The following GUCY2F variants were observed in gnomAD, a reference collection of about 807,000 sequenced individuals.
GUCY2F encodes the protein retinal guanylyl cyclase 2.
In GUCY2F, 61 loss-of-function variants were observed where a neutral mutation model predicts 73.1. That is an observed-to-expected ratio of 0.83 (90% CI 0.68 to 1.03). GUCY2F has a LOEUF of 1.03. Among genes scored for constraint, GUCY2F ranks in the 50% least tolerant of loss-of-function variants. The probability of loss-of-function intolerance (pLI) is 0.00; values close to 1 mark genes in which losing one functional copy is unlikely to be tolerated. For missense variants in GUCY2F, 912 were observed against 854.3 expected (o/e 1.07, Z -0.84); for synonymous variants, 331 against 307.8 (o/e 1.08, Z -0.79).
intron 7 of GUCY2F, among the ~76,000 whole-genome samples, chrX:109,438,001 T>C (rs2284327): frequency 0.049 from 5,515 of 112,578 alleles, 307 homozygotes; most frequent in African/African-American, 0.16. Flanking sequence ...GGTTTCCTGC[T>C]ACTAATTTAA....
chrX:109,434,789 A>G (rs1931699496), intron 7 of GUCY2F, among the ~76,000 whole-genome samples: 1 of 110,999 alleles, frequency 9.0e-6, no homozygotes, highest in African/African-American at 3.3e-5. Context: ...AATCCATCTT[A>G]AATTAATTTT....
chrX:109,377,257 GTCCAACC>G (rs1195922692), intron 17 of GUCY2F, among the ~76,000 whole-genome samples: 1 of 111,646 alleles, frequency 9.0e-6, no homozygotes. Flanking sequence ...TACCACTATA[GTCCAACC>G]TCCATTAACT....
intron 15 of GUCY2F, 144 bp from the exon 16 acceptor site, chrX:109,385,426 C>A (rs763399215): frequency 5.3e-6 from 2 of 378,965 alleles, no homozygotes; most frequent in Admixed American, 5.2e-5. Flanking sequence ...AAGAAAGACA[C>A]AATGAGTAGT....
chrX:109,407,208 G>A (rs1490208981), intron 9 of GUCY2F, among the ~76,000 whole-genome samples: 3 of 112,001 alleles, frequency 2.7e-5, no homozygotes, highest in Non-Finnish European at 5.6e-5. Context: ...TAACTTGCTG[G>A]GAACTGGAGC....
At chrX:109,440,165 G>T (rs935240682) in intron 7 of GUCY2F, among the ~76,000 whole-genome samples, 2 of 112,013 alleles carry the variant, frequency 1.8e-5, no homozygotes, top group Non-Finnish European at 3.8e-5. Flanking sequence ...GGTGCCAACA[G>T]GTTTGGTTGT....
chrX:109,434,966 G>A (rs1931704804), intron 7 of GUCY2F, among the ~76,000 whole-genome samples: 1 of 109,592 alleles, frequency 9.1e-6, no homozygotes, highest in African/African-American at 3.4e-5. Context: ...TGAGGGCTCT[G>A]TTCTGTTCCA....
At chrX:109,390,401 G>T (rs1248970070) in intron 14 of GUCY2F, among the ~76,000 whole-genome samples, 1 of 111,899 alleles carries the variant, frequency 8.9e-6, no homozygotes, top group African/African-American at 3.2e-5. Context: ...TACAGGTAAA[G>T]AAAATAAAAA....
intron 4 of GUCY2F, among the ~76,000 whole-genome samples, chrX:109,453,177 A>G (rs140293983): frequency 1.8e-5 from 2 of 111,446 alleles, no homozygotes; most frequent in East Asian, 5.7e-4. Flanking sequence ...AGGAGAAACA[A>G]TCATAGGTCA....
At chrX:109,468,653 C>T (rs369942586) in intron 2 of GUCY2F, among the ~76,000 whole-genome samples, 3 of 111,354 alleles carry the variant, frequency 2.7e-5, no homozygotes, top group African/African-American at 9.8e-5. Flanking sequence ...TCAAAGGGTC[C>T]GAATTTTTAT....
intron 6 of GUCY2F, among the ~76,000 whole-genome samples, chrX:109,443,108 G>C (rs895091961): frequency 2.7e-5 from 3 of 110,846 alleles, no homozygotes; most frequent in African/African-American, 9.8e-5. Context: ...GACTGATTAG[G>C]CACAGCCAGC....
At chrX:109,464,170 A>G (rs1369899345) in intron 3 of GUCY2F, among the ~76,000 whole-genome samples, 1 of 110,947 alleles carries the variant, frequency 9.0e-6, no homozygotes, top group East Asian at 2.8e-4. Context: ...ATTTTTTCCA[A>G]TCTAAATGGC....
chrX:109,456,982 C>T (rs1375672131), intron 3 of GUCY2F, among the ~76,000 whole-genome samples: 1 of 111,870 alleles, frequency 8.9e-6, no homozygotes, highest in African/African-American at 3.2e-5. Flanking sequence ...CTTCTCACTA[C>T]AGCTCCAAAA....
intron 7 of GUCY2F, among the ~76,000 whole-genome samples, chrX:109,434,902 GTTT>G (rs2147270145): frequency 9.0e-6 from 1 of 110,690 alleles, no homozygotes; most frequent in East Asian, 2.8e-4. Flanking sequence ...CCCATTGCTT[GTTT>G]TTCTCAGGTT....
At chrX:109,375,846 A>G (rs1930164825) in intron 19 of GUCY2F, 52 bp downstream of exon 19, 1 of 912,868 alleles carries the variant, frequency 1.1e-6, no homozygotes. Flanking sequence ...AGGAAGCCCC[A>G]GATTTGAAAA....
rs918666313 is a variant in GUCY2F, at chrX:109,391,314, A to G, written c.2781+597T>C. 6.3e-5 allele frequency among the ~76,000 whole-genome samples: 7 copies of G among 111,495 alleles called. No individual in the cohort carries two copies. In the Admixed American group the frequency reaches 6.7e-4, roughly 11 times the overall value. On this transcript the variant is annotated intron_variant, in intron 14 of 19. Transcript: ENST00000218006. The stretch of plus-strand genomic sequence containing the variant: ...GGTGGGAACAGGGGCTTGCCACCCC[A>G]CAATTAATCACTTCCCCAGACCTCA...
intron 2 of GUCY2F, among the ~76,000 whole-genome samples, chrX:109,469,289 A>T (rs780662641): frequency 1.8e-5 from 2 of 111,349 alleles, no homozygotes; most frequent in East Asian, 5.6e-4. Context: ...TTTCCATGTC[A>T]CTCAATTCCT....
At position 109,398,504 on chromosome X, in the gene GUCY2F, C is replaced by T. The variant is rs370831935; in HGVS notation, c.2275+45G>A. Reference sequence around the variant, plus strand: ...ACAGCCTGAGTTGGTCTGATGATCTCGGTCATGGTGGACCCCTGGGGCCCT... The same window carrying T: ...ACAGCCTGAGTTGGTCTGATGATCTTGGTCATGGTGGACCCCTGGGGCCCT... On this transcript the variant is annotated intron_variant, in intron 11 of 19. Coordinates refer to ENST00000218006, the MANE Select transcript of GUCY2F (RefSeq NM_001522.3). 1.9e-4 allele frequency: 222 copies of T among 1,141,587 alleles called. 1 individual carries two copies. The highest frequency in any genetic ancestry group is 2.3e-4 in the Non-Finnish European group (195 of 843,653). The allele number at this position is 1,141,587 out of a possible 1,213,427, so 94.1% of individuals were successfully genotyped here.
rs188964927 is a variant in GUCY2F at position 109,382,236 on chromosome X, T to C, written c.3056-24A>G. On this transcript the variant is annotated intron_variant, in intron 16 of 19. Transcript: ENST00000218006. ...AGCTGCAAAAGAAGGAGAGACATGA[T>C]TTGGGCTCCTTTCTCACTGGCAAAA... is the stretch of plus-strand genomic sequence containing the variant. 2,358 of 913,577 alleles carry C rather than the reference T, an allele frequency of 2.6e-3. 6 individuals are homozygous for C. Among genetic ancestry groups the C allele is most frequent in the Non-Finnish European group, 3.3e-3 (2,078 of 633,847 alleles). The allele number at this position is 913,577 out of a possible 1,213,427, so 75.3% of individuals were successfully genotyped here. A position where few individuals can be genotyped will look rare whatever the true frequency, so the allele number is the denominator to read the frequency against.
chrX:109,469,362 C>T (rs1185983054), intron 2 of GUCY2F, among the ~76,000 whole-genome samples: 2 of 110,854 alleles, frequency 1.8e-5, no homozygotes, highest in Non-Finnish European at 3.8e-5. Flanking sequence ...AACTGTGTTT[C>T]TGAAAAGGCA....
Sources: allele counts gnomAD v4.1 joint callset (sites outside exome capture counted in the v4.1 genomes callset), GRCh38; gene constraint gnomAD v4.1.1; transcripts MANE v1.5; gene names NCBI Gene and HGNC (gene_info 2026-07-23, HGNC 2026-07-21).